The following INPP4B variants were observed in gnomAD, a reference collection of about 807,000 sequenced individuals.
INPP4B encodes the protein inositol polyphosphate-4-phosphatase type II B.
A neutral mutation model predicts 122.5 loss-of-function variants in INPP4B; 55 were observed. That is an observed-to-expected ratio of 0.45 (90% CI 0.36 to 0.56). The LOEUF is 0.56. INPP4B is among the 20% of genes least tolerant of loss of function. INPP4B has a pLI of 0.00. For missense variants in INPP4B, 1,000 were observed against 1,097.7 expected (o/e 0.91, Z 1.26); for synonymous variants, 403 against 388.7 (o/e 1.04, Z -0.43).
At chr4:142,337,972 G>A (rs913805579) in intron 7 of INPP4B, among the ~76,000 whole-genome samples, 2 of 150,952 alleles carry the variant, frequency 1.3e-5, no homozygotes, top group African/African-American at 2.4e-5. Context: ...ACTACTTCTT[G>A]AAAATGTACC....
chr4:142,583,957 T>C (rs1160090959), intron 2 of INPP4B, among the ~76,000 whole-genome samples: 1 of 151,970 alleles, frequency 6.6e-6, no homozygotes, highest in Non-Finnish European at 1.5e-5. Flanking sequence ...AACTTCAATC[T>C]CTCAGTAAGT....
chr4:142,801,987 A>T (rs1778057893), intron 1 of INPP4B, among the ~76,000 whole-genome samples: 1 of 152,142 alleles, frequency 6.6e-6, no homozygotes, highest in South Asian at 2.1e-4. Context: ...TGTCATCAAC[A>T]TACAGATTAA....
intron 1 of INPP4B, among the ~76,000 whole-genome samples, chr4:142,749,613 A>G (rs1162238361): frequency 6.6e-6 from 1 of 151,958 alleles, no homozygotes; most frequent in Admixed American, 6.6e-5. Context: ...ATAACAGTGA[A>G]TAATTCTAAA....
intron 14 of INPP4B, among the ~76,000 whole-genome samples, chr4:142,207,672 A>G (rs1422648456): frequency 6.6e-6 from 1 of 152,190 alleles, no homozygotes; most frequent in Admixed American, 6.6e-5. Context: ...TAATGGGCAC[A>G]GGCATATGGA....
chr4:142,485,185 C>T (rs1821054797), intron 2 of INPP4B, among the ~76,000 whole-genome samples: 1 of 151,936 alleles, frequency 6.6e-6, no homozygotes, highest in Admixed American at 6.6e-5. Context: ...TGATCTTAGG[C>T]CAGAAAGCTG....
intron 7 of INPP4B, among the ~76,000 whole-genome samples, chr4:142,336,323 GCTGGGGGCCACACACCT>G (rs1409570140): frequency 1.3e-5 from 2 of 152,150 alleles, no homozygotes; most frequent in Non-Finnish European, 2.9e-5. Flanking sequence ...AGAAAATACC[GCTGGGGGCCACACACCT>G]CTGTTCACTG....
chr4:142,762,866 C>T (rs915790604), intron 1 of INPP4B, among the ~76,000 whole-genome samples: 2 of 152,132 alleles, frequency 1.3e-5, no homozygotes, highest in African/African-American at 4.8e-5. Context: ...GTGATTACAT[C>T]ATGAGAGTAG....
In INPP4B at chr4:142,126,307, G is replaced by T. The variant is rs969217684; in HGVS notation, c.1721-1547C>A. 2.0e-5 allele frequency among the ~76,000 whole-genome samples: 3 copies of T among 152,220 alleles called. No homozygotes were observed. In the East Asian group the frequency reaches 5.8e-4, roughly 29 times the overall value. Reference sequence around the variant, plus strand: ...GTGCAAGCATCATTGTGAGTAATGTGAGTGGTAAATAATCAGTTAAGACCT... The same window carrying T: ...GTGCAAGCATCATTGTGAGTAATGTTAGTGGTAAATAATCAGTTAAGACCT... On this transcript the variant is annotated intron_variant, in intron 18 of 25. Coordinates refer to ENST00000262992, the MANE Select transcript of INPP4B (RefSeq NM_001101669.3).
At chr4:142,490,147 C>T (rs979798762) in intron 2 of INPP4B, among the ~76,000 whole-genome samples, 2 of 151,914 alleles carry the variant, frequency 1.3e-5, no homozygotes, top group East Asian at 3.9e-4. Flanking sequence ...GCACAAACAG[C>T]AAACATGGCT....
chr4:142,518,351 A>G (rs567536383), intron 2 of INPP4B, among the ~76,000 whole-genome samples: 1 of 152,312 alleles, frequency 6.6e-6, no homozygotes, highest in East Asian at 1.9e-4. Flanking sequence ...TATAAGCACA[A>G]ACATTAATAT....
At chr4:142,738,098 C>G (rs1380147219) in intron 1 of INPP4B, among the ~76,000 whole-genome samples, 2 of 152,148 alleles carry the variant, frequency 1.3e-5, no homozygotes, top group Non-Finnish European at 2.9e-5. Context: ...ACCCAGCCAT[C>G]CCATTACTGG....
At chr4:142,176,106 T>C (rs1021961745) in intron 15 of INPP4B, among the ~76,000 whole-genome samples, 4 of 144,062 alleles carry the variant, frequency 2.8e-5, no homozygotes, top group African/African-American at 1.0e-4. Context: ...TCTCTTCACA[T>C]GACTGCTTTC....
At chr4:142,055,599 G>A (rs1400329868) in intron 25 of INPP4B, among the ~76,000 whole-genome samples, 1 of 151,874 alleles carries the variant, frequency 6.6e-6, no homozygotes, top group Admixed American at 6.6e-5. Context: ...CATATCCTAG[G>A]GCATCAGGAT....
chr4:142,031,814 T>A (rs1237826867), intron 25 of INPP4B, among the ~76,000 whole-genome samples: 1 of 152,204 alleles, frequency 6.6e-6, no homozygotes, highest in South Asian at 2.1e-4. Flanking sequence ...AGTTTATTCA[T>A]TTCTTCAACC....
chr4:142,080,330 GA>G (rs1773243350), intron 25 of INPP4B, among the ~76,000 whole-genome samples: 1 of 152,042 alleles, frequency 6.6e-6, no homozygotes, highest in Admixed American at 6.6e-5. Context: ...AGTTATTAAA[GA>G]AAAGAACTCA....
chr4:142,251,620 A>T (rs1052725902), intron 11 of INPP4B, among the ~76,000 whole-genome samples: 2 of 152,142 alleles, frequency 1.3e-5, no homozygotes, highest in Non-Finnish European at 2.9e-5. Context: ...ATCCCATCTC[A>T]TTTGGCTGTA....
intron 2 of INPP4B, chr4:142,583,353 C>A (rs1225699071): frequency 1.3e-5 from 2 of 152,124 alleles, no homozygotes; most frequent in East Asian, 3.9e-4. Flanking sequence ...TCTTTCCTGC[C>A]CCACTTACCT....
At chr4:142,230,056 T>C (rs980368706) in intron 12 of INPP4B, among the ~76,000 whole-genome samples, 3 of 152,222 alleles carry the variant, frequency 2.0e-5, no homozygotes, top group Admixed American at 2.0e-4. Context: ...AGGGTTCGTG[T>C]ATTCATTTTA....
At position 142,276,141 on chromosome 4, in the gene INPP4B, T is replaced by C. The variant is rs10021653; in HGVS notation, c.504-5367A>G. Among the ~76,000 whole-genome samples, 679 of 151,896 alleles carry C rather than the reference T, an allele frequency of 4.5e-3. 5 individuals carry two copies. The highest frequency in any genetic ancestry group is 0.015 in the African/African-American group (641 of 41,514). ...GTCTATTTCATGTGTCCCCTCCCAATAGCAACATTCCAATTAGTTTTATTA... is the reference window on the plus strand; with the variant it reads ...GTCTATTTCATGTGTCCCCTCCCAACAGCAACATTCCAATTAGTTTTATTA... On this transcript the variant is annotated intron_variant, in intron 9 of 25. Coordinates refer to ENST00000262992, the MANE Select transcript of INPP4B (RefSeq NM_001101669.3).
Sources: gnomAD v4.1 joint callset for allele counts (sites outside exome capture counted in the v4.1 genomes callset) on GRCh38, gnomAD v4.1.1 for gene constraint, MANE v1.5 for transcripts, NCBI Gene and HGNC (gene_info 2026-07-23, HGNC 2026-07-21) for gene names.